The following ASAP2 variants were observed in gnomAD, a reference collection of about 807,000 sequenced individuals.
ASAP2 encodes arf-GAP with SH3 domain, ANK repeat and PH domain-containing protein 2.
A neutral mutation model predicts 131.4 loss-of-function variants in ASAP2; 45 were observed. The ratio of observed to expected loss-of-function variants is 0.34; its 90% CI spans 0.27 to 0.44. The LOEUF is 0.44. ASAP2 is among the 20% of genes least tolerant of loss of function. ASAP2 has a pLI of 1.00. For missense variants in ASAP2, 1,011 were observed against 1,297.0 expected (o/e 0.78, Z 3.39); for synonymous variants, 510 against 503.0 (o/e 1.01, Z -0.19).
chr2:9,360,118 C>G (rs1320412325), intron 15 of ASAP2, among the ~76,000 whole-genome samples: 1 of 152,208 alleles, frequency 6.6e-6, no homozygotes, highest in Non-Finnish European at 1.5e-5. Flanking sequence ...GCACAAAGTA[C>G]TTTTCAGTAA....
chr2:9,301,820 C>CTTTTTTTTTTT (rs1177064910), intron 3 of ASAP2, among the ~76,000 whole-genome samples: 2 of 115,408 alleles, frequency 1.7e-5, no homozygotes, highest in African/African-American at 7.0e-5. Flanking sequence ...TATCCATCAT[C>CTTTTTTTTTTT]TTTTTTTTTT....
intron 1 of ASAP2, among the ~76,000 whole-genome samples, chr2:9,252,615 T>G (rs1442130055): frequency 2.0e-5 from 3 of 151,020 alleles, no homozygotes; most frequent in Non-Finnish European, 4.4e-5. Flanking sequence ...CGGAAGACAG[T>G]TAAAGAATTT....
At chr2:9,225,438 T>G (rs1292808967) in intron 1 of ASAP2, among the ~76,000 whole-genome samples, 1 of 152,180 alleles carries the variant, frequency 6.6e-6, no homozygotes, top group East Asian at 1.9e-4. Context: ...AAGCAGCCTT[T>G]TCTTCCCCAG....
chr2:9,400,416 C>CA (rs1676561966), intron 25 of ASAP2, among the ~76,000 whole-genome samples: 1 of 109,422 alleles, frequency 9.1e-6, no homozygotes, highest in Non-Finnish European at 1.8e-5. Flanking sequence ...CCCCTCCTCT[C>CA]ACCCTCCTCC....
intron 6 of ASAP2, among the ~76,000 whole-genome samples, chr2:9,325,179 C>G (rs534482987): frequency 3.2e-4 from 48 of 152,164 alleles, no homozygotes; most frequent in Non-Finnish European, 5.1e-4. Context: ...TTTTTGTAAA[C>G]ACATATCATG....
intron 1 of ASAP2, among the ~76,000 whole-genome samples, chr2:9,224,702 C>A (rs1237656672): frequency 6.6e-6 from 1 of 152,224 alleles, no homozygotes; most frequent in African/African-American, 2.4e-5. Context: ...TTTATCAGAA[C>A]AAATTTCTGA....
At position 9,386,143 on chromosome 2, in the gene ASAP2, CT is replaced by C. The variant is rs796770791; in HGVS notation, c.2130+797del. On this transcript the variant is annotated intron_variant, in intron 21 of 27. Transcript: ENST00000281419. Reference sequence around the variant, plus strand: ...CATTAAACACATTTTCATGGTTTGGCTTTTTTTTTTTTCTGTAATGCATTAA... The same window carrying C: ...CATTAAACACATTTTCATGGTTTGGCTTTTTTTTTTTCTGTAATGCATTAA... Among the ~76,000 whole-genome samples the C allele has an allele frequency of 8.9e-4, 128 of 143,628 alleles. 1 individual carries two copies. Among genetic ancestry groups the C allele is most frequent in the African/African-American group, 1.2e-3 (49 of 39,424 alleles). The allele number at this position is 143,628 out of a possible 152,430, so 94.2% of individuals were successfully genotyped here. A position where few individuals can be genotyped will look rare whatever the true frequency, so the allele number is the denominator to read the frequency against.
chr2:9,291,570 G>A (rs1339612246), intron 2 of ASAP2, among the ~76,000 whole-genome samples: 2 of 152,174 alleles, frequency 1.3e-5, no homozygotes, highest in Admixed American at 6.5e-5. Flanking sequence ...AGTAGTAATC[G>A]TCATGTCATC....
intron 3 of ASAP2, among the ~76,000 whole-genome samples, chr2:9,312,890 CTAA>C (rs1669398292): frequency 6.6e-6 from 1 of 152,164 alleles, no homozygotes; most frequent in African/African-American, 2.4e-5. Context: ...CCCGTCTCTA[CTAA>C]TAATACAAAA....
At chr2:9,227,234 C>T (rs1662839269) in intron 1 of ASAP2, among the ~76,000 whole-genome samples, 1 of 152,170 alleles carries the variant, frequency 6.6e-6, no homozygotes, top group Non-Finnish European at 1.5e-5. Flanking sequence ...CTCTGCTGTA[C>T]CCTCAGCCCC....
rs149364578 is a variant in ASAP2 at position 9,274,392 on chromosome 2, C to T, written c.127-4925C>T. Among the ~76,000 whole-genome samples the T allele has an allele frequency of 4.4e-3, 646 of 148,488 alleles. 6 individuals carry two copies. Among genetic ancestry groups the T allele is most frequent in the African/African-American group, 0.015 (617 of 40,152 alleles). On this transcript the variant is annotated intron_variant, in intron 1 of 27. Transcript: ENST00000281419. ...AGCTGGAGTACAGTGGTGTGATCTCCGCTCACTGCAACCTTTGTCCCCCAG... is the reference window on the plus strand; with the variant it reads ...AGCTGGAGTACAGTGGTGTGATCTCTGCTCACTGCAACCTTTGTCCCCCAG...
chr2:9,350,902 C>A lies in ASAP2; in HGVS notation c.1111+7C>A. On this transcript the variant is annotated splice_region_variant and intron_variant, in intron 12 of 27. Transcript: ENST00000281419. ...TGCTTTGACCTCATTTCACGTAAGG[C>A]TCCCTCTGAGATGCCGCGCCATAGA... The A allele has an allele frequency of 6.2e-7, 1 of 1,602,484 alleles. No homozygotes were observed. Among genetic ancestry groups the A allele is most frequent in the Non-Finnish European group, 8.5e-7 (1 of 1,171,872 alleles).
chr2:9,364,536 C>A (rs1673313418), intron 15 of ASAP2, among the ~76,000 whole-genome samples: 1 of 152,094 alleles, frequency 6.6e-6, no homozygotes, highest in African/African-American at 2.4e-5. Flanking sequence ...AAAAAACAGG[C>A]ATCAAGAGCA....
Position 9,207,955 on chromosome 2 carries a change from C to A in ASAP2, c.126+725C>A, listed in dbSNP as rs531574704. 7.0e-4 allele frequency among the ~76,000 whole-genome samples: 106 copies of A among 152,306 alleles called. No individual in the cohort carries two copies. Among genetic ancestry groups the A allele is most frequent in the African/African-American group, 2.4e-3 (98 of 41,564 alleles). On this transcript the variant is annotated intron_variant, in intron 1 of 27. Transcript: ENST00000281419. The surrounding 1 kb of genome is among the most constrained non-coding windows in gnomAD (Gnocchi z 4.1). ...GTGCTCTCAAGGTGCAAAGTCATCA[C>A]GCCTAGCTGCTAAGCAGTACGCTCT...
intron 7 of ASAP2, among the ~76,000 whole-genome samples, chr2:9,328,748 C>T (rs1248041815): frequency 4.6e-5 from 7 of 152,172 alleles, no homozygotes; most frequent in Non-Finnish European, 1.0e-4. Context: ...CACTCACCCA[C>T]CCAACACACA....
chr2:9,384,825 C>T (rs1045008392), intron 20 of ASAP2, among the ~76,000 whole-genome samples: 7 of 152,338 alleles, frequency 4.6e-5, no homozygotes, highest in African/African-American at 1.4e-4. Context: ...AGCATCTCTT[C>T]CCCCAGGGTA....
chr2:9,284,128 A>G (rs1434388340), intron 2 of ASAP2, among the ~76,000 whole-genome samples: 1 of 152,204 alleles, frequency 6.6e-6, no homozygotes, highest in African/African-American at 2.4e-5. Context: ...TTTCATCCAC[A>G]ATTTCAATTC....
At chr2:9,317,118 T>TCACTCACATCCACATTCACACA (rs1207233181) in intron 3 of ASAP2, among the ~76,000 whole-genome samples, 1 of 16,690 alleles carries the variant, frequency 6.0e-5, no homozygotes, top group African/African-American at 1.8e-4. Flanking sequence ...CCCCACGCAA[T>TCACTCACATCCACATTCACACA]CACAACCACA....
At chr2:9,330,515 G>A (rs967819119) in intron 7 of ASAP2, among the ~76,000 whole-genome samples, 39 of 152,144 alleles carry the variant, frequency 2.6e-4, no homozygotes, top group African/African-American at 9.2e-4. Context: ...TGACCACCAG[G>A]CCTATAACAA....
Sources: allele counts gnomAD v4.1 joint callset (sites outside exome capture counted in the v4.1 genomes callset), GRCh38; gene constraint gnomAD v4.1.1; non-coding constraint Gnocchi (gnomAD v3.1); transcripts MANE v1.5; gene names NCBI Gene and HGNC (gene_info 2026-07-23, HGNC 2026-07-21).